ATP8A2: variants seen among roughly 807,000 people sequenced by gnomAD.
The protein encoded by ATP8A2 is ATPase phospholipid transporting 8A2.
ATP8A2 carries 100 observed loss-of-function variants against 165.6 expected under a neutral mutation model. That is an observed-to-expected ratio of 0.60 (90% CI 0.51 to 0.71). The LOEUF is 0.71. ATP8A2 is among the 30% of genes least tolerant of loss of function. The pLI, the probability that ATP8A2 is intolerant of heterozygous loss-of-function variation, is 0.00. For synonymous variants in ATP8A2, 543 were observed against 548.8 expected (o/e 0.99, Z 0.15); for missense variants, 1,227 against 1,479.5 (o/e 0.83, Z 2.80).
chr13:25,413,384 C>T (rs575242647), intron 1 of ATP8A2, among the ~76,000 whole-genome samples: 12 of 147,056 alleles, frequency 8.2e-5, no homozygotes, highest in South Asian at 6.4e-4. Context: ...CAGGTTCAAG[C>T]GATTCTCCTG....
chr13:26,009,276 G>A (rs1956797284), intron 35 of ATP8A2, among the ~76,000 whole-genome samples: 1 of 152,284 alleles, frequency 6.6e-6, no homozygotes, highest in South Asian at 2.1e-4. Flanking sequence ...CCTTCATGAT[G>A]ACACCTTCAT....
rs1957127177 is a variant in ATP8A2, at chr13:26,024,321, T to G, written c.*4336T>G. 6.6e-6 allele frequency: 1 copy of G among 152,166 alleles called. No individual in the cohort carries two copies. 9.4% of individuals were successfully genotyped at this position (152,166 alleles called of 1,614,324 possible). On this transcript the variant is annotated 3_prime_UTR_variant, in exon 37 of 37. Transcript: ENST00000381655. ...TCGATGTGTTGTACCCTTCATTTAT[T>G]TTTTTTTCTCAGCATCCCAAGTTGT... is the stretch of plus-strand genomic sequence containing the variant.
chr13:25,932,048 CAAAAAAA>C (rs112829843), intron 33 of ATP8A2, among the ~76,000 whole-genome samples: 10 of 125,216 alleles, frequency 8.0e-5, no homozygotes, highest in Non-Finnish European at 1.5e-4. Context: ...AACTCCATCT[CAAAAAAA>C]AAAAAAAGAA....
At chr13:25,581,080 G>T (rs1214735232) in intron 22 of ATP8A2, among the ~76,000 whole-genome samples, 2 of 152,194 alleles carry the variant, frequency 1.3e-5, no homozygotes, top group African/African-American at 4.8e-5. Context: ...AGAAAAAGGT[G>T]ATTAAATAGG....
intron 25 of ATP8A2, among the ~76,000 whole-genome samples, chr13:25,731,240 GAGAGGA>G (rs1246410505): frequency 1.4e-5 from 2 of 147,800 alleles, no homozygotes; most frequent in Non-Finnish European, 3.0e-5. Context: ...GAAAGAGAGA[GAGAGGA>G]AGGAAGGAAG....
At chr13:25,917,085 T>G (rs1189075651) in intron 33 of ATP8A2, among the ~76,000 whole-genome samples, 5 of 152,208 alleles carry the variant, frequency 3.3e-5, no homozygotes, top group Non-Finnish European at 7.3e-5. Flanking sequence ...TGTACACAAC[T>G]CAGAAGGATT....
At chr13:25,635,176 G>C (rs2041339041) in intron 24 of ATP8A2, among the ~76,000 whole-genome samples, 1 of 152,126 alleles carries the variant, frequency 6.6e-6, no homozygotes, top group African/African-American at 2.4e-5. Context: ...CATGACCCGT[G>C]TAACATTTTA....
At chr13:25,885,132 G>A (rs944527364) in intron 33 of ATP8A2, among the ~76,000 whole-genome samples, 3 of 106,916 alleles carry the variant, frequency 2.8e-5, no homozygotes, top group African/African-American at 1.1e-4. Flanking sequence ...TTTTTTTTGA[G>A]GTGGAGTCTT....
At chr13:25,985,530 A>T (rs1956263940) in intron 35 of ATP8A2, among the ~76,000 whole-genome samples, 1 of 152,208 alleles carries the variant, frequency 6.6e-6, no homozygotes, top group Non-Finnish European at 1.5e-5. Flanking sequence ...GTTTAATTTG[A>T]ACGTCCCGCT....
At chr13:25,550,786 T>C (rs2038796086) in intron 10 of ATP8A2, among the ~76,000 whole-genome samples, 1 of 152,236 alleles carries the variant, frequency 6.6e-6, no homozygotes, top group African/African-American at 2.4e-5. Context: ...CATCCACTTA[T>C]TTTGAAACCC....
intron 2 of ATP8A2, among the ~76,000 whole-genome samples, chr13:25,501,267 T>C (rs995643869): frequency 2.6e-5 from 4 of 152,146 alleles, no homozygotes; most frequent in Non-Finnish European, 4.4e-5. Context: ...GGGCCACACA[T>C]AGAAGCTCCA....
intron 1 of ATP8A2, among the ~76,000 whole-genome samples, chr13:25,388,193 AAGG>A (rs886908632): frequency 2.0e-5 from 3 of 152,084 alleles, no homozygotes; most frequent in African/African-American, 7.2e-5. Context: ...GGAGAGAAAG[AAGG>A]AGGAAGGAAA....
intron 33 of ATP8A2, among the ~76,000 whole-genome samples, chr13:25,929,188 G>A (rs112459742): frequency 0.013 from 1,924 of 152,270 alleles, 24 homozygotes; most frequent in Non-Finnish European, 0.019. Context: ...AAATGTGCGT[G>A]ACCATGTGAG....
At chr13:25,645,656 AATTT>A (rs2041653555) in intron 24 of ATP8A2, among the ~76,000 whole-genome samples, 1 of 152,006 alleles carries the variant, frequency 6.6e-6, no homozygotes, top group Non-Finnish European at 1.5e-5. Context: ...ATTTTCCTAT[AATTT>A]ATTTATTGAT....
rs369291845 is a variant in ATP8A2 at position 25,757,720 on chromosome 13, T to A, written c.2385-11326T>A. Reference sequence around the variant, plus strand: ...ATGAGAAGTAAAATCCTTTTCTCAGTCAGCTGAGAGCCCCTGTTATATGTG... The same window carrying A: ...ATGAGAAGTAAAATCCTTTTCTCAGACAGCTGAGAGCCCCTGTTATATGTG... On this transcript the variant is annotated intron_variant, in intron 25 of 36. Transcript: ENST00000381655. Among the ~76,000 whole-genome samples, 6 of 152,292 alleles carry A rather than the reference T, an allele frequency of 3.9e-5. No individual in the cohort carries two copies. The East Asian group carries it at 1.2e-3, about 29-fold the overall frequency.
At chr13:25,990,323 AACACAGAC>A (rs1305824977) in intron 35 of ATP8A2, among the ~76,000 whole-genome samples, 1 of 151,226 alleles carries the variant, frequency 6.6e-6, no homozygotes, top group East Asian at 2.0e-4. Flanking sequence ...TCTAATGAGG[AACACAGAC>A]AGTACACACA....
intron 25 of ATP8A2, among the ~76,000 whole-genome samples, chr13:25,748,731 A>C (rs2044090693): frequency 6.6e-6 from 1 of 152,190 alleles, no homozygotes. Context: ...CCAAATGGAG[A>C]GTAAACAGCG....
intron 27 of ATP8A2, among the ~76,000 whole-genome samples, chr13:25,799,103 A>C (rs1189617944): frequency 2.6e-5 from 4 of 151,356 alleles, no homozygotes; most frequent in East Asian, 1.9e-4. Context: ...TAAAAAAAAA[A>C]CACAGTCAGT....
chr13:25,702,610 A>G (rs144824992), intron 25 of ATP8A2, among the ~76,000 whole-genome samples: 3 of 152,318 alleles, frequency 2.0e-5, no homozygotes, highest in African/African-American at 7.2e-5. Context: ...TAAGGAGAGG[A>G]GACGTGGCCT....
Sources: allele counts gnomAD v4.1 joint callset (sites outside exome capture counted in the v4.1 genomes callset), GRCh38; gene constraint gnomAD v4.1.1; transcripts MANE v1.5; gene names NCBI Gene and HGNC (gene_info 2026-07-23, HGNC 2026-07-21).